SHISAL1: variants seen among roughly 807,000 people sequenced by gnomAD.
SHISAL1 encodes the protein protein shisa-like-1.
In SHISAL1, 9 loss-of-function variants were observed where a neutral mutation model predicts 22.6. The ratio of observed to expected loss-of-function variants is 0.40; its 90% CI spans 0.24 to 0.70. The LOEUF is 0.70. Ranked by LOEUF, SHISAL1 falls within the 30% of genes least tolerant of loss-of-function variation. The pLI, the probability that SHISAL1 is intolerant of heterozygous loss-of-function variation, is 0.39. For synonymous variants in SHISAL1, 119 were observed against 115.4 expected (o/e 1.03, Z -0.20); for missense variants, 246 against 270.6 (o/e 0.91, Z 0.64).
At chr22:44,270,913 CCTT>C (rs767179275) in intron 4 of SHISAL1, among the ~76,000 whole-genome samples, 25 of 152,310 alleles carry the variant, frequency 1.6e-4, no homozygotes, top group African/African-American at 5.1e-4. Context: ...CACAGTATCT[CCTT>C]CTTCTTGTCT....
chr22:44,261,977 G>T (rs1384230826), intron 4 of SHISAL1, among the ~76,000 whole-genome samples: 1 of 136,284 alleles, frequency 7.3e-6, no homozygotes, highest in African/African-American at 2.6e-5. Flanking sequence ...TAGCACCTTC[G>T]GCCAGGGCCT....
intron 3 of SHISAL1, among the ~76,000 whole-genome samples, chr22:44,286,896 C>G (rs1449491892): frequency 6.6e-6 from 1 of 152,276 alleles, no homozygotes; most frequent in Non-Finnish European, 1.5e-5. Context: ...CGTCTGCTCC[C>G]TGCTGCAGGC....
rs1307093446 is a variant in SHISAL1 at position 44,247,268 on chromosome 22, A to G, written c.*2417T>C. On this transcript the variant is annotated 3_prime_UTR_variant, in exon 5 of 5. Coordinates refer to ENST00000381176, the MANE Select transcript of SHISAL1 (RefSeq NM_001099294.2). The stretch of plus-strand genomic sequence containing the variant: ...CTCTTACCGATGGGGAAACTGAGGT[A>G]ACAGACCTTGCCTGAGGTCACGCTG... 4 of 152,256 alleles carry G rather than the reference A, an allele frequency of 2.6e-5. No homozygotes were observed. The highest frequency in any genetic ancestry group is 9.7e-5 in the African/African-American group (4 of 41,442). The allele number at this position is 152,256 out of a possible 1,614,324, so 9.4% of individuals were successfully genotyped here. A position where few individuals can be genotyped will look rare whatever the true frequency, so the allele number is the denominator to read the frequency against.
intron 1 of SHISAL1, among the ~76,000 whole-genome samples, chr22:44,309,425 C>G (rs1178590926): frequency 6.6e-6 from 1 of 152,124 alleles, no homozygotes; most frequent in Non-Finnish European, 1.5e-5. Flanking sequence ...GCAGGAAGTA[C>G]AGACGAGGAG....
the SHISAL1 span, among the ~76,000 whole-genome samples, chr22:44,325,051 T>C: frequency 8.5e-5 from 13 of 152,162 alleles, no homozygotes; most frequent in Admixed American, 7.9e-4. Context: ...AAGATCAGCC[T>C]GGCCAACGTG....
chr22:44,321,920 C>G, the SHISAL1 span, among the ~76,000 whole-genome samples: 8 of 152,150 alleles, frequency 5.3e-5, no homozygotes, highest in African/African-American at 9.7e-5. Context: ...GCAGGAGGGC[C>G]TGCTGTGAAC....
At chr22:44,295,627 G>C (rs1374982242) in intron 3 of SHISAL1, among the ~76,000 whole-genome samples, 1 of 152,076 alleles carries the variant, frequency 6.6e-6, no homozygotes, top group Non-Finnish European at 1.5e-5. Flanking sequence ...CATTCAACAA[G>C]GAGAAGATGG....
chr22:44,307,567 C>G (rs950522713), intron 1 of SHISAL1, among the ~76,000 whole-genome samples: 1 of 152,182 alleles, frequency 6.6e-6, no homozygotes, highest in Admixed American at 6.5e-5. Context: ...CCGTGGCCAA[C>G]AACAAAACTC....
At chr22:44,262,031 G>A (rs1052366204) in intron 4 of SHISAL1, among the ~76,000 whole-genome samples, 1 of 152,236 alleles carries the variant, frequency 6.6e-6, no homozygotes, top group African/African-American at 2.4e-5. Context: ...CCCTGCCCTT[G>A]AGGGCTCGAA....
rs2055030907 is a variant in SHISAL1, at chr22:44,249,480, C to T, written c.*205G>A. 2 of 516,546 alleles carry T rather than the reference C, an allele frequency of 3.9e-6. No homozygotes were observed. The highest frequency in any genetic ancestry group is 3.5e-5 in the Admixed American group (1 of 28,918). The allele number at this position is 516,546 out of a possible 1,614,324, so 32.0% of individuals were successfully genotyped here. A position where few individuals can be genotyped will look rare whatever the true frequency, so the allele number is the denominator to read the frequency against. On this transcript the variant is annotated 3_prime_UTR_variant, in exon 5 of 5. Coordinates refer to ENST00000381176, the MANE Select transcript of SHISAL1 (RefSeq NM_001099294.2). ...GACAGGTGGCTCAGAATCCCCTCCC[C>T]TGCACCCCCAGCCCCTACCCCTGAG... is the stretch of plus-strand genomic sequence containing the variant.
chr22:44,327,197 C>T, the SHISAL1 span, among the ~76,000 whole-genome samples: 1 of 151,962 alleles, frequency 6.6e-6, no homozygotes, highest in African/African-American at 2.4e-5. Context: ...CTCTGTCTAC[C>T]ACCCTGCCCA....
intron 4 of SHISAL1, among the ~76,000 whole-genome samples, chr22:44,262,925 CAG>C (rs550544900): frequency 2.7e-4 from 41 of 152,148 alleles, no homozygotes; most frequent in Non-Finnish European, 4.0e-4. Flanking sequence ...CAGACGAAAG[CAG>C]AGGAGTCATG....
At chr22:44,331,481 G>A in the SHISAL1 span, among the ~76,000 whole-genome samples, 2 of 146,862 alleles carry the variant, frequency 1.4e-5, no homozygotes, top group Admixed American at 6.8e-5. The surrounding 1 kb of genome is among the most constrained non-coding windows in gnomAD (Gnocchi z 5.2). Flanking sequence ...TGCCCGCCCC[G>A]GGGCTCAGCT....
intron 1 of SHISAL1, among the ~76,000 whole-genome samples, chr22:44,304,588 A>T (rs912704383): frequency 9.9e-5 from 15 of 151,882 alleles, no homozygotes; most frequent in African/African-American, 3.6e-4. Flanking sequence ...CGTCCCTGGG[A>T]GCTGTAAGCT....
intron 1 of SHISAL1, among the ~76,000 whole-genome samples, chr22:44,302,456 C>A (rs1043172919): frequency 1.3e-5 from 2 of 151,668 alleles, no homozygotes; most frequent in East Asian, 1.9e-4. Flanking sequence ...TAAAACAAGG[C>A]GTGTCTGGGG....
At chr22:44,265,109 T>C (rs2055153118) in intron 4 of SHISAL1, among the ~76,000 whole-genome samples, 1 of 152,180 alleles carries the variant, frequency 6.6e-6, no homozygotes, top group Non-Finnish European at 1.5e-5. Flanking sequence ...GATTCTACAT[T>C]GAGGCCTGTG....
At chr22:44,318,150 G>C in the SHISAL1 span, among the ~76,000 whole-genome samples, 1 of 152,272 alleles carries the variant, frequency 6.6e-6, no homozygotes, top group African/African-American at 2.4e-5. Context: ...TATCCCGAGA[G>C]TCCTCTCTGC....
intron 4 of SHISAL1, among the ~76,000 whole-genome samples, chr22:44,262,043 C>A (rs1460320904): frequency 6.6e-6 from 1 of 152,186 alleles, no homozygotes; most frequent in Non-Finnish European, 1.5e-5. Flanking sequence ...GGGCTCGAAG[C>A]GGGTAGGGGA....
chr22:44,296,600 C>T lies in SHISAL1; in HGVS notation c.281+72G>A, dbSNP rs528463133. 1.1e-4 allele frequency: 150 copies of T among 1,385,718 alleles called. 2 individuals carry two copies. Among genetic ancestry groups the T allele is most frequent in the East Asian group, 6.9e-4 (30 of 43,626 alleles). The allele number at this position is 1,385,718 out of a possible 1,614,324, so 85.8% of individuals were successfully genotyped here. On this transcript the variant is annotated intron_variant, in intron 3 of 4. Transcript: ENST00000381176. The stretch of plus-strand genomic sequence containing the variant: ...GTTACCCAACCGCCTCCCTAGGGGA[C>T]GCGATTTTGGGAGGCAGGCCCCTTG...
Sources: gnomAD v4.1 joint callset for allele counts (sites outside exome capture counted in the v4.1 genomes callset) on GRCh38, gnomAD v4.1.1 for gene constraint, Gnocchi (gnomAD v3.1) non-coding constraint, MANE v1.5 for transcripts, NCBI Gene and HGNC (gene_info 2026-07-23, HGNC 2026-07-21) for gene names.